ERO1A: variants seen among roughly 807,000 people sequenced by gnomAD.
ERO1A encodes the protein endoplasmic reticulum oxidoreductase 1 alpha.
Under a neutral mutation model 76.9 loss-of-function variants are expected in ERO1A, and 49 were observed. That is an observed-to-expected ratio of 0.64 (90% CI 0.51 to 0.81). The LOEUF (loss-of-function observed/expected upper bound fraction) is 0.81. Among genes scored for constraint, ERO1A ranks in the 30% least tolerant of loss-of-function variants. The pLI, the probability that ERO1A is intolerant of heterozygous loss-of-function variation, is 0.00. For missense variants in ERO1A, 448 were observed against 542.1 expected (o/e 0.83, Z 1.72); for synonymous variants, 174 against 181.2 (o/e 0.96, Z 0.32).
At chr14:52,694,893 C>A (rs1453313196) in intron 1 of ERO1A, among the ~76,000 whole-genome samples, 2 of 152,178 alleles carry the variant, frequency 1.3e-5, no homozygotes, top group African/African-American at 4.8e-5. Flanking sequence ...CCGCAAGCAG[C>A]CATTCTTCCG....
At chr14:52,652,733 C>T (rs567108829) in intron 12 of ERO1A, among the ~76,000 whole-genome samples, 166 of 152,262 alleles carry the variant, frequency 1.1e-3, no homozygotes, top group Middle Eastern at 6.8e-3. Flanking sequence ...GTGGCCTGCA[C>T]CTGTAATCCC....
Position 52,667,794 on chromosome 14 carries a change from TATAA to T in ERO1A, c.509-1303_509-1300del, listed in dbSNP as rs1345612962. On this transcript the variant is annotated intron_variant, in intron 6 of 15. Transcript: ENST00000395686. ...GTACTATAATAATACTTTATTCATA[TATAA>T]AGCTTAACAGTATGAGCCAACAAAG... 5.9e-5 allele frequency among the ~76,000 whole-genome samples: 9 copies of T among 152,308 alleles called. No homozygotes were observed. In the East Asian group the frequency reaches 1.7e-3, roughly 29 times the overall value.
intron 12 of ERO1A, 98 bp downstream of exon 12, chr14:52,652,971 G>A (rs756534216): frequency 2.4e-5 from 20 of 822,984 alleles, no homozygotes; most frequent in Admixed American, 5.4e-5. Flanking sequence ...CTCCAGCCTG[G>A]GCAACAGAGG....
chr14:52,672,317 A>G (rs1029701801), intron 4 of ERO1A: 3 of 152,418 alleles, frequency 2.0e-5, no homozygotes, highest in Middle Eastern at 3.2e-3. Flanking sequence ...AAAAAAAAGA[A>G]AAAACATTCT....
intron 13 of ERO1A, among the ~76,000 whole-genome samples, chr14:52,649,669 T>C (rs980408382): frequency 6.6e-6 from 1 of 151,832 alleles, no homozygotes; most frequent in African/African-American, 2.4e-5. Flanking sequence ...AAGGAACATA[T>C]TGAAAATAGT....
At chr14:52,650,195 G>A (rs577503716) in intron 13 of ERO1A, among the ~76,000 whole-genome samples, 57 of 151,568 alleles carry the variant, frequency 3.8e-4, no homozygotes, top group African/African-American at 1.4e-3. Context: ...CTTCAACTCT[G>A]GTGATAAAAT....
intron 9 of ERO1A, among the ~76,000 whole-genome samples, chr14:52,660,218 G>A (rs1248651800): frequency 6.6e-6 from 1 of 152,184 alleles, no homozygotes; most frequent in Non-Finnish European, 1.5e-5. Context: ...TAATATGATA[G>A]CTCTCAGGAA....
chr14:52,678,587 T>A, intron 3 of ERO1A, 115 bp from the exon 4 acceptor site: 1 of 879,834 alleles, frequency 1.1e-6, no homozygotes, highest in Non-Finnish European at 1.8e-6. Context: ...GAAGTTGGAT[T>A]TTTTAACAGA....
intron 13 of ERO1A, among the ~76,000 whole-genome samples, 168 bp downstream of exon 13, chr14:52,652,071 A>G (rs1351242541): frequency 6.6e-6 from 1 of 150,802 alleles, no homozygotes; most frequent in East Asian, 1.9e-4. Context: ...GGCTCAAGCA[A>G]TCCTCCCACC....
intron 9 of ERO1A, 89 bp from the exon 10 acceptor site, chr14:52,658,239 T>G: frequency 1.1e-6 from 1 of 878,650 alleles, no homozygotes; most frequent in Non-Finnish European, 1.8e-6. Context: ...AGCAAATTTG[T>G]GCCAAACAAC....
At position 52,673,708 on chromosome 14, in the gene ERO1A, G is replaced by GTA. The variant is rs373378899; in HGVS notation, c.358-1839_358-1838dup. On this transcript the variant is annotated intron_variant, in intron 4 of 15. Transcript: ENST00000395686. ...TCAAAAATTTCACAATCATAACTTA[G>GTA]TATATATATAAATCACATACTAATT... Among the ~76,000 whole-genome samples the GTA allele has an allele frequency of 7.8e-4, 118 of 151,670 alleles. 1 individual carries two copies. Among genetic ancestry groups the GTA allele is most frequent in the African/African-American group, 2.8e-3 (114 of 41,294 alleles).
chr14:52,685,528 C>A (rs1038007700), intron 1 of ERO1A, among the ~76,000 whole-genome samples: 8 of 152,082 alleles, frequency 5.3e-5, no homozygotes, highest in Non-Finnish European at 8.8e-5. Flanking sequence ...CTGTTTCTCC[C>A]CTTTGATATG....
At chr14:52,646,352 T>C (rs2039654592) in intron 14 of ERO1A, 23 bp downstream of exon 14, 1 of 1,606,324 alleles carries the variant, frequency 6.2e-7, no homozygotes, top group Non-Finnish European at 8.5e-7. Flanking sequence ...AAATGAGAAA[T>C]AGGAATGACT....
rs536818004 is a variant in ERO1A at position 52,667,639 on chromosome 14, T to C, written c.509-1144A>G. ...CAGGAGGCTGAGGTGGGAAAGTCAC[T>C]TGAGCCCAGGAGGTCCAGGCTGCAG... On this transcript the variant is annotated intron_variant, in intron 6 of 15. Transcript: ENST00000395686. Among the ~76,000 whole-genome samples the C allele has an allele frequency of 3.9e-5, 6 of 152,156 alleles. No homozygotes were observed. In the South Asian group the frequency reaches 6.2e-4, roughly 16 times the overall value.
intron 1 of ERO1A, among the ~76,000 whole-genome samples, chr14:52,693,230 C>T (rs1566649668): frequency 6.6e-6 from 1 of 151,992 alleles, no homozygotes. Flanking sequence ...AAGCAGTGGG[C>T]TGGGAAAGGC....
At chr14:52,686,376 G>A (rs2041176683) in intron 1 of ERO1A, among the ~76,000 whole-genome samples, 1 of 152,130 alleles carries the variant, frequency 6.6e-6, no homozygotes, top group Non-Finnish European at 1.5e-5. Context: ...AGCACAGGAG[G>A]CAGAAACACA....
chr14:52,643,409 T>C lies in ERO1A; in HGVS notation c.*161A>G, dbSNP rs569984861. 1.0e-5 allele frequency: 5 copies of C among 492,074 alleles called. No homozygotes were observed. In the East Asian group the frequency reaches 1.8e-4, roughly 18 times the overall value. 30.5% of individuals were successfully genotyped at this position (492,074 alleles called of 1,614,324 possible). On this transcript the variant is annotated 3_prime_UTR_variant, in exon 16 of 16. Transcript: ENST00000395686. ...GTATTATACATAGACTTAACACAAT[T>C]TTTAAAAATGTGTTTACTTAAAACA...
At chr14:52,694,052 A>G (rs1039233586) in intron 1 of ERO1A, among the ~76,000 whole-genome samples, 1 of 152,248 alleles carries the variant, frequency 6.6e-6, no homozygotes, top group South Asian at 2.1e-4. Flanking sequence ...AGAGTTCAAC[A>G]TGTACTTTTA....
Position 52,643,611 on chromosome 14 carries a change from CT to C in ERO1A, c.1365del (p.Glu456AsnfsTer2). The C allele has an allele frequency of 6.7e-7, 1 of 1,482,958 alleles. No homozygotes were observed. Among genetic ancestry groups the C allele is most frequent in the Non-Finnish European group, 8.9e-7 (1 of 1,121,168 alleles). The allele number at this position is 1,482,958 out of a possible 1,614,324, so 91.9% of individuals were successfully genotyped here. ...AACAAGTTCCTGAAGTTTTCTAATT[CT>C]TTCACACTTGTAGAAATTCTGTAAC... ...NAFGRISTSV[K>X]ELENFRNLLQ... On this transcript the variant is annotated frameshift_variant, in exon 16 of 16. Coordinates refer to ENST00000395686, the MANE Select transcript of ERO1A (RefSeq NM_014584.3). LOFTEE classifies it high-confidence loss of function.
Sources: allele counts gnomAD v4.1 joint callset (sites outside exome capture counted in the v4.1 genomes callset), GRCh38; gene constraint gnomAD v4.1.1; transcripts MANE v1.5; gene names NCBI Gene and HGNC (gene_info 2026-07-23, HGNC 2026-07-21).